MED13L: variants seen among roughly 807,000 people sequenced by gnomAD.
MED13L encodes the protein mediator complex subunit 13L.
A neutral mutation model predicts 220.9 loss-of-function variants in MED13L; 7 were observed. The observed-to-expected ratio is 0.03, with a 90% CI of 0.02 to 0.06. The LOEUF (loss-of-function observed/expected upper bound fraction) is 0.06, where lower values mean the gene tolerates loss of function less well. Ranked by LOEUF, MED13L falls within the 10% of genes least tolerant of loss-of-function variation. The pLI is 1.00. For synonymous variants in MED13L, 1,011 were observed against 1,015.2 expected (o/e 1.00, Z 0.08); for missense variants, 1,965 against 2,760.5 (o/e 0.71, Z 6.46).
At chr12:116,064,530 A>G (rs922004298) in intron 4 of MED13L, among the ~76,000 whole-genome samples, 26 of 152,212 alleles carry the variant, frequency 1.7e-4, no homozygotes, top group African/African-American at 5.8e-4. Context: ...GGGGCCCCAG[A>G]TGCCTGGGGA....
intron 4 of MED13L, among the ~76,000 whole-genome samples, chr12:116,068,058 AC>A (rs1870085673): frequency 6.6e-6 from 1 of 152,210 alleles, no homozygotes; most frequent in South Asian, 2.1e-4. Flanking sequence ...GAACCCTCAG[AC>A]CAAAGCCCAT....
intron 4 of MED13L, among the ~76,000 whole-genome samples, chr12:116,031,725 GAAAAGAAAAGA>G (rs1566020623): frequency 1.3e-4 from 9 of 66,964 alleles, no homozygotes; most frequent in African/African-American, 3.8e-4. Flanking sequence ...GAAAAGAAAA[GAAAAGAAAAGA>G]AAAGAAAAGA....
In MED13L at chr12:116,221,021, A is replaced by G. The variant is rs568871227; in HGVS notation, c.310+16447T>C. On this transcript the variant is annotated intron_variant, in intron 2 of 30. Coordinates refer to ENST00000281928, the MANE Select transcript of MED13L (RefSeq NM_015335.5). ...AAAAGCTGCCACTTATTTGATAACT[A>G]CTAACTCTATCCTACATATTAAATA... is the stretch of plus-strand genomic sequence containing the variant. 1.4e-3 allele frequency among the ~76,000 whole-genome samples: 208 copies of G among 152,278 alleles called. 1 individual carries two copies. Among genetic ancestry groups the G allele is most frequent in the African/African-American group, 4.8e-3 (201 of 41,552 alleles).
At chr12:116,032,786 C>T (rs527313720) in intron 4 of MED13L, among the ~76,000 whole-genome samples, 3 of 152,122 alleles carry the variant, frequency 2.0e-5, no homozygotes, top group Non-Finnish European at 4.4e-5. Context: ...AGGTTCTGTG[C>T]ACCTAAAAAC....
At position 116,003,014 on chromosome 12, in the gene MED13L, G is replaced by T; in HGVS notation, c.2558C>A (p.Pro853His). 2 of 1,613,876 alleles carry T rather than the reference G, an allele frequency of 1.2e-6. No individual in the cohort carries two copies. Among genetic ancestry groups the T allele is most frequent in the Non-Finnish European group, 1.7e-6 (2 of 1,179,766 alleles). Residue 853 changes from proline to histidine, a missense_variant, in exon 14 of 31, where the codon CCT becomes CAT. Physicochemically the swap from Pro to His is moderately conservative, Grantham distance 77. Transcript: ENST00000281928. Reference protein sequence around the residue: ...PLGKDGRAAVPYPPTVADLQR... With the variant: ...PLGKDGRAAVHYPPTVADLQR... ...GTTTCTCTACCTACTTGGTGGATAAGGAACAGCAGCTCTTCCATCCTTCCC... is the reference window on the plus strand; with the variant it reads ...GTTTCTCTACCTACTTGGTGGATAATGAACAGCAGCTCTTCCATCCTTCCC...
At chr12:116,142,392 C>T (rs1877153678) in intron 2 of MED13L, among the ~76,000 whole-genome samples, 1 of 152,060 alleles carries the variant, frequency 6.6e-6, no homozygotes, top group Non-Finnish European at 1.5e-5. Context: ...CTATCCAAGA[C>T]AAAAGACATT....
At chr12:116,104,217 T>C (rs1440155970) in intron 3 of MED13L, among the ~76,000 whole-genome samples, 1 of 151,760 alleles carries the variant, frequency 6.6e-6, no homozygotes, top group Non-Finnish European at 1.5e-5. Context: ...ATCATGTTGG[T>C]CAGGGTGGTC....
At chr12:116,215,982 G>T (rs975655541) in intron 2 of MED13L, among the ~76,000 whole-genome samples, 1 of 152,096 alleles carries the variant, frequency 6.6e-6, no homozygotes, top group Admixed American at 6.6e-5. Flanking sequence ...AGTATTCAAG[G>T]TCTCCCATGA....
At chr12:116,191,527 A>AC (rs1466504674) in intron 2 of MED13L, among the ~76,000 whole-genome samples, 3 of 151,850 alleles carry the variant, frequency 2.0e-5, no homozygotes, top group African/African-American at 7.3e-5. Context: ...ATGGGGTTTC[A>AC]CCATGTTGGC....
rs1305781516 is a variant in MED13L, at chr12:116,274,427, A to AC, written c.72+2632_72+2633insG. ...TTCTCTGCAAAAAAAAACAAAACAA[A>AC]AAAAAAAAAAACCCTGCAGGCCAAA... On this transcript the variant is annotated intron_variant, in intron 1 of 30. Coordinates refer to ENST00000281928, the MANE Select transcript of MED13L (RefSeq NM_015335.5). 7.9e-5 allele frequency among the ~76,000 whole-genome samples: 12 copies of AC among 151,060 alleles called. 1 individual carries two copies. The highest frequency in any genetic ancestry group is 7.7e-4 in the East Asian group (4 of 5,174).
chr12:116,122,136 C>A (rs1053292985), intron 2 of MED13L, among the ~76,000 whole-genome samples: 1 of 152,080 alleles, frequency 6.6e-6, no homozygotes, highest in Admixed American at 6.6e-5. Context: ...AAATCTACTT[C>A]CAAAAACTAC....
At chr12:116,121,627 G>A (rs1875102279) in intron 2 of MED13L, among the ~76,000 whole-genome samples, 1 of 152,134 alleles carries the variant, frequency 6.6e-6, no homozygotes, top group Non-Finnish European at 1.5e-5. Flanking sequence ...GCCTTACACA[G>A]TTTAAAAGTA....
Position 116,072,193 on chromosome 12 carries a change from A to T in MED13L, c.479+24476T>A, listed in dbSNP as rs78456256. Among the ~76,000 whole-genome samples the T allele has an allele frequency of 1.2e-3, 176 of 152,342 alleles. 4 individuals carry two copies. In the East Asian group the frequency reaches 0.031, roughly 27 times the overall value. On this transcript the variant is annotated intron_variant, in intron 4 of 30. Transcript: ENST00000281928. ...TAGGGAAATACAGTCAGGACCAGCC[A>T]CTGAACACAATTGCTTTTTGAGTCC... is the stretch of plus-strand genomic sequence containing the variant.
intron 26 of MED13L, 65 bp from the exon 27 acceptor site, chr12:115,970,835 G>T: frequency 1.4e-6 from 2 of 1,463,294 alleles, no homozygotes; most frequent in East Asian, 2.4e-5. Flanking sequence ...TTTTCAGAGG[G>T]CCTGATCTGG....
intron 14 of MED13L, among the ~76,000 whole-genome samples, chr12:116,001,367 T>C (rs1003166525): frequency 6.6e-6 from 1 of 152,190 alleles, no homozygotes; most frequent in Non-Finnish European, 1.5e-5. Context: ...GTGCCAAGTT[T>C]TGTATTTTAA....
chr12:116,233,135 T>C (rs1249041940), intron 2 of MED13L, among the ~76,000 whole-genome samples: 2 of 150,668 alleles, frequency 1.3e-5, no homozygotes, highest in Non-Finnish European at 3.0e-5. Context: ...TTTGGTAGAT[T>C]AGGAGAAGTC....
chr12:116,176,755 T>C (rs1190437366), intron 2 of MED13L, among the ~76,000 whole-genome samples: 2 of 146,634 alleles, frequency 1.4e-5, no homozygotes, highest in African/African-American at 2.5e-5. Context: ...GCCAGGAAAA[T>C]AGAAAACAGA....
chr12:116,271,704 T>C (rs1207152022), intron 1 of MED13L, among the ~76,000 whole-genome samples: 1 of 151,858 alleles, frequency 6.6e-6, no homozygotes, highest in African/African-American at 2.4e-5. Flanking sequence ...GTAAATCAGA[T>C]CTGCACAAAA....
intron 3 of MED13L, among the ~76,000 whole-genome samples, chr12:116,106,399 T>C (rs1397135222): frequency 6.6e-6 from 1 of 152,088 alleles, no homozygotes; most frequent in Non-Finnish European, 1.5e-5. Flanking sequence ...TTATAAATGA[T>C]CCCAAAGAAC....
Sources: allele counts gnomAD v4.1 joint callset (sites outside exome capture counted in the v4.1 genomes callset), GRCh38; gene constraint gnomAD v4.1.1; transcripts MANE v1.5; gene names NCBI Gene and HGNC (gene_info 2026-07-23, HGNC 2026-07-21).